The following NAALADL2 variants were observed in gnomAD, a reference collection of about 807,000 sequenced individuals.
The protein encoded by NAALADL2 is N-acetylated alpha-linked acidic dipeptidase like 2.
A neutral mutation model predicts 87.2 loss-of-function variants in NAALADL2; 76 were observed. That is an observed-to-expected ratio of 0.87 (90% CI 0.72 to 1.05). The LOEUF (loss-of-function observed/expected upper bound fraction) is 1.05. Ranked by LOEUF, NAALADL2 falls within the 50% of genes least tolerant of loss-of-function variation. NAALADL2 has a pLI of 0.00. For synonymous variants in NAALADL2, 354 were observed against 331.0 expected (o/e 1.07, Z -0.75); for missense variants, 1,089 against 945.8 (o/e 1.15, Z -1.99).
At chr3:175,629,419 A>G (rs1727462170) in intron 11 of NAALADL2, among the ~76,000 whole-genome samples, 1 of 150,468 alleles carries the variant, frequency 6.6e-6, no homozygotes, top group African/African-American at 2.4e-5. Context: ...GAATATATAT[A>G]TTTGTTCACA....
intron 2 of NAALADL2, among the ~76,000 whole-genome samples, chr3:174,557,793 C>T (rs545635579): frequency 2.0e-5 from 3 of 151,998 alleles, no homozygotes; most frequent in Non-Finnish European, 4.4e-5. Context: ...TCACCAGACC[C>T]AGCATATAGT....
chr3:175,296,704 T>C (rs1321095597), intron 4 of NAALADL2, among the ~76,000 whole-genome samples: 1 of 152,148 alleles, frequency 6.6e-6, no homozygotes, highest in Non-Finnish European at 1.5e-5. Context: ...GTCAACACTG[T>C]ATTTTGAATA....
Position 174,682,793 on chromosome 3 carries a change from A to G in NAALADL2, c.-114-54848A>G, listed in dbSNP as rs554376516. 3.9e-5 allele frequency among the ~76,000 whole-genome samples: 6 copies of G among 152,324 alleles called. No individual in the cohort carries two copies. The South Asian group carries it at 1.2e-3, about 32-fold the overall frequency. ...AAAGCCTTCCCAAAAAGATGGGTAC[A>G]ACCAAGTCCAGACTGTGAAGACTAT... On this transcript the variant is annotated intron_variant, in intron 2 of 3. Coordinates refer to the NAALADL2 transcript ENST00000434257.
At chr3:175,018,816 C>T (rs1277664624) in intron 1 of NAALADL2, among the ~76,000 whole-genome samples, 2 of 152,108 alleles carry the variant, frequency 1.3e-5, no homozygotes, top group South Asian at 2.1e-4. Flanking sequence ...TACCAAATAA[C>T]GTAACCGGTG....
chr3:175,029,770 G>T (rs919846178), intron 1 of NAALADL2, among the ~76,000 whole-genome samples: 12 of 152,070 alleles, frequency 7.9e-5, no homozygotes, highest in Non-Finnish European at 1.3e-4. Context: ...TGCCATAAAT[G>T]CCACAAAAAT....
At chr3:174,972,762 G>A (rs1237049559) in intron 1 of NAALADL2, among the ~76,000 whole-genome samples, 2 of 152,196 alleles carry the variant, frequency 1.3e-5, no homozygotes, top group East Asian at 3.9e-4. Flanking sequence ...TTGGGAGGCC[G>A]AGGTGGGCGG....
rs139334895 is a variant in NAALADL2, at chr3:175,437,187, A to G, written c.1091-10042A>G. On this transcript the variant is annotated intron_variant, in intron 5 of 13. Transcript: ENST00000454872. ...GGTATGTGGCGTTATTTCTGAGTGTATATCTAGAAAACCCCATTGTCTCAG... is the reference window on the plus strand; with the variant it reads ...GGTATGTGGCGTTATTTCTGAGTGTGTATCTAGAAAACCCCATTGTCTCAG... Among the ~76,000 whole-genome samples the G allele has an allele frequency of 5.5e-3, 832 of 151,800 alleles. 5 individuals are homozygous for G. Among genetic ancestry groups the G allele is most frequent in the Non-Finnish European group, 8.7e-3 (591 of 67,946 alleles).
At chr3:175,441,251 T>C (rs180818587) in intron 5 of NAALADL2, among the ~76,000 whole-genome samples, 30 of 152,310 alleles carry the variant, frequency 2.0e-4, no homozygotes, top group Non-Finnish European at 3.8e-4. Context: ...TGATGAGTAC[T>C]ATGTTGAATT....
At chr3:175,742,308 G>T (rs1745331010) in intron 12 of NAALADL2, among the ~76,000 whole-genome samples, 1 of 152,188 alleles carries the variant, frequency 6.6e-6, no homozygotes, top group African/African-American at 2.4e-5. Flanking sequence ...TTGGCTTAGT[G>T]ATTTGAAGGT....
At chr3:174,777,817 T>C (rs560050364) in intron 3 of NAALADL2, among the ~76,000 whole-genome samples, 14 of 152,210 alleles carry the variant, frequency 9.2e-5, no homozygotes, top group African/African-American at 2.9e-4. Flanking sequence ...CACATATACA[T>C]GCATAAGCAA....
chr3:175,267,721 C>T (rs56273725), intron 4 of NAALADL2, among the ~76,000 whole-genome samples: 70,609 of 151,870 alleles, frequency 0.46, 16,807 homozygotes, highest in South Asian at 0.66. Flanking sequence ...ATTTGCATCA[C>T]GTGTACATGA....
In NAALADL2 at chr3:175,315,325, G is replaced by A. The variant is rs1411567240; in HGVS notation, c.940-8850G>A. Reference sequence around the variant, plus strand: ...TTCTTTGAGCTAAATAATAGAGGGTGGGAGGCATATGTAAAGGAGGTTTGT... The same window carrying A: ...TTCTTTGAGCTAAATAATAGAGGGTAGGAGGCATATGTAAAGGAGGTTTGT... On this transcript the variant is annotated intron_variant, in intron 4 of 13. Transcript: ENST00000454872. Among the ~76,000 whole-genome samples the A allele has an allele frequency of 3.9e-5, 6 of 152,036 alleles. No individual in the cohort carries two copies. The East Asian group carries it at 9.6e-4, about 24-fold the overall frequency.
At chr3:174,899,456 C>A (rs1304495675) in intron 1 of NAALADL2, among the ~76,000 whole-genome samples, 1 of 152,056 alleles carries the variant, frequency 6.6e-6, no homozygotes, top group African/African-American at 2.4e-5. Flanking sequence ...TGGTGTCCTC[C>A]AGGTAGTAAG....
At chr3:175,115,080 T>TA (rs1724876676) in intron 2 of NAALADL2, 1 of 151,698 alleles carries the variant, frequency 6.6e-6, no homozygotes, top group African/African-American at 2.4e-5. Flanking sequence ...GACTAAATGA[T>TA]AAAATATGCC....
intron 10 of NAALADL2, among the ~76,000 whole-genome samples, chr3:175,619,657 G>T (rs1157241872): frequency 6.6e-6 from 1 of 151,878 alleles, no homozygotes; most frequent in Non-Finnish European, 1.5e-5. Flanking sequence ...TGAGCCAAGT[G>T]CACATTCTAC....
At chr3:175,644,296 C>A (rs192801545) in intron 11 of NAALADL2, among the ~76,000 whole-genome samples, 44 of 152,048 alleles carry the variant, frequency 2.9e-4, no homozygotes, top group Non-Finnish European at 3.8e-4. Flanking sequence ...TCCATGTAAT[C>A]TAGTTTGCCA....
intron 4 of NAALADL2, among the ~76,000 whole-genome samples, chr3:175,294,706 A>G (rs778110120): frequency 6.6e-6 from 1 of 152,262 alleles, no homozygotes; most frequent in African/African-American, 2.4e-5. Flanking sequence ...AAGATAATTT[A>G]TGAAGATAAA....
chr3:174,849,891 G>A (rs1012064411), intron 3 of NAALADL2, among the ~76,000 whole-genome samples: 2 of 151,894 alleles, frequency 1.3e-5, no homozygotes, highest in Admixed American at 6.6e-5. Context: ...TTTTTGATTG[G>A]TTTGTCTTTT....
At chr3:175,679,125 T>A (rs1260844376) in intron 11 of NAALADL2, among the ~76,000 whole-genome samples, 2 of 152,086 alleles carry the variant, frequency 1.3e-5, no homozygotes, top group Non-Finnish European at 2.9e-5. Context: ...GATAATGTCA[T>A]CAGTTAAGGC....
Sources: gnomAD v4.1 joint callset for allele counts (sites outside exome capture counted in the v4.1 genomes callset) on GRCh38, gnomAD v4.1.1 for gene constraint, MANE v1.5 for transcripts, NCBI Gene and HGNC (gene_info 2026-07-23, HGNC 2026-07-21) for gene names.